PCDHB16: variants seen among roughly 807,000 people sequenced by gnomAD.
PCDHB16 encodes the protein protocadherin beta 16.
For missense variants in PCDHB16, 1,026 were observed against 989.9 expected, an observed-to-expected ratio of 1.04 and a Z score of -0.49; for synonymous variants, 444 against 436.5, an observed-to-expected ratio of 1.02 and a Z score of -0.21.
Position 141,184,858 on chromosome 5 carries a change from C to A in PCDHB16, c.2299C>A (p.Leu767Met), listed in dbSNP as rs1554282486. The A allele has an allele frequency of 3.7e-6, 6 of 1,614,216 alleles. No individual in the cohort carries two copies. Among genetic ancestry groups the A allele is most frequent in the Non-Finnish European group, 4.2e-6 (5 of 1,180,046 alleles). Residue 767 changes from leucine to methionine, a missense_variant, in exon 1 of 1, where the codon CTG becomes ATG. Transcript: ENST00000609684. The stretch of plus-strand genomic sequence containing the variant: ...CTCAGAAACAAGTGAGTTCAAGTTC[C>A]TGAAGCCGATTATCCCCAACTTCTC... The part of the protein sequence containing the change: ...GGSETSEFKF[L>M]KPIIPNFSP
In PCDHB16 at chr5:141,183,149, A is replaced by C. The variant is rs1753608989; in HGVS notation, c.590A>C (p.Asp197Ala). 2 of 1,614,090 alleles carry C rather than the reference A, an allele frequency of 1.2e-6. No individual in the cohort carries two copies. The highest frequency in any genetic ancestry group is 2.7e-5 in the African/African-American group (2 of 74,944). Residue 197 changes from aspartate to alanine, a missense_variant, in exon 1 of 1, where the codon GAT (aspartate) becomes GCT (alanine). Physicochemically the swap from Asp to Ala is moderately radical, Grantham distance 126 (BLOSUM62 -2). Coordinates refer to ENST00000609684, the MANE Select transcript of PCDHB16 (RefSeq NM_020957.4). The stretch of plus-strand genomic sequence containing the variant: ...AGGAAATACCCTGAGCTAGTGTTGG[A>C]TAAAGAGCTGGATCGGGAGGAGGAG... The part of the protein sequence containing the change: ...DGRKYPELVL[D>A]KELDREEEPQ...
In PCDHB16 at chr5:141,183,137, A is replaced by G; in HGVS notation, c.578A>G (p.Glu193Gly). ...TTCAGAGATGGCAGGAAATACCCTGAGCTAGTGTTGGATAAAGAGCTGGAT... is the reference window on the plus strand; with the variant it reads ...TTCAGAGATGGCAGGAAATACCCTGGGCTAGTGTTGGATAAAGAGCTGGAT... ...HEFRDGRKYPELVLDKELDRE... is the reference protein window; with the variant it reads ...HEFRDGRKYPGLVLDKELDRE... Residue 193 changes from glutamate (E) to glycine (G), a missense_variant, in exon 1 of 1, where the codon GAG becomes GGG. Physicochemically the swap from Glu to Gly is moderately conservative, Grantham distance 98. Coordinates refer to ENST00000609684, the MANE Select transcript of PCDHB16 (RefSeq NM_020957.4). 1.2e-6 allele frequency: 2 copies of G among 1,614,154 alleles called. No homozygotes were observed. The highest frequency in any genetic ancestry group is 1.7e-6 in the Non-Finnish European group (2 of 1,179,972).
rs1214399087 is a variant in PCDHB16, at chr5:141,186,143, G to A, written c.*1253G>A. 9.0e-6 allele frequency: 9 copies of A among 996,000 alleles called. No homozygotes were observed. Among genetic ancestry groups the A allele is most frequent in the Non-Finnish European group, 1.1e-5 (9 of 826,460 alleles). 61.7% of individuals were successfully genotyped at this position (996,000 alleles called of 1,614,324 possible). The stretch of plus-strand genomic sequence containing the variant: ...TGTAAAATATCCCTATGTTTAATCT[G>A]TATTTCTTGCTTATTATATGTAAAG... On this transcript the variant is annotated 3_prime_UTR_variant, in exon 1 of 1. Transcript: ENST00000609684.
rs1753618270 is a variant in PCDHB16 at position 141,183,421 on chromosome 5, A to G, written c.862A>G (p.Ile288Val). 1 of 1,614,172 alleles carries G rather than the reference A, an allele frequency of 6.2e-7. No homozygotes were observed. The highest frequency in any genetic ancestry group is 1.1e-5 in the South Asian group (1 of 91,086). Reference protein sequence around the residue: ...SYTLFQPSEDISKTLEVNPMT... With the variant: ...SYTLFQPSEDVSKTLEVNPMT... ...CACACTCTTTCAGCCTTCGGAGGATATTAGTAAAACTTTGGAGGTAAATCC... is the reference window on the plus strand; with the variant it reads ...CACACTCTTTCAGCCTTCGGAGGATGTTAGTAAAACTTTGGAGGTAAATCC... Residue 288 changes from isoleucine (I) to valine (V), a missense_variant, in exon 1 of 1, where the codon ATT becomes GTT. Ile to Val is a conservative substitution (Grantham distance 29). Transcript: ENST00000609684.
At position 141,183,926 on chromosome 5, in the gene PCDHB16, A is replaced by G. The variant is rs782642494; in HGVS notation, c.1367A>G (p.Tyr456Cys). 1.9e-6 allele frequency: 3 copies of G among 1,613,902 alleles called. No homozygotes were observed. Among genetic ancestry groups the G allele is most frequent in the East Asian group, 2.2e-5 (1 of 44,850 alleles). Residue 456 changes from tyrosine (Y) to cysteine (C), a missense_variant, in exon 1 of 1, where the codon TAC (tyrosine) becomes TGC (cysteine). By Grantham distance (194) the Tyr-to-Cys change is radical. Transcript: ENST00000609684. Reference sequence around the variant, plus strand: ...GCCCCCACTTTCACCCAAACCTCCTACACCCTGTTCGTCCGCGAGAACAAC... The same window carrying G: ...GCCCCCACTTTCACCCAAACCTCCTGCACCCTGTTCGTCCGCGAGAACAAC... Reference protein sequence around the residue: ...DNAPTFTQTSYTLFVRENNSP... With the variant: ...DNAPTFTQTSCTLFVRENNSP...
rs781864717 is a variant in PCDHB16 at position 141,184,511 on chromosome 5, C to G, written c.1952C>G (p.Pro651Arg). Residue 651 changes from proline to arginine, a missense_variant, in exon 1 of 1, where the codon CCG becomes CGG. Pro to Arg is a moderately radical substitution (Grantham distance 103). Transcript: ENST00000609684. ...CTGGTCAAGGACAATGGCGAGCCTC[C>G]GCGCTCGGCCACCGCCACGCTGCAC... ...VVLVKDNGEP[P>R]RSATATLHVL... 2.5e-6 allele frequency: 4 copies of G among 1,609,122 alleles called. No individual in the cohort carries two copies. The highest frequency in any genetic ancestry group is 2.7e-5 in the African/African-American group (2 of 74,868).
In PCDHB16 at chr5:141,183,567, G is replaced by A. The variant is rs1390470617; in HGVS notation, c.1008G>A (p.Gln336=). 6.2e-7 allele frequency: 1 copy of A among 1,614,030 alleles called. No homozygotes were observed. The highest frequency in any genetic ancestry group is 8.5e-7 in the Non-Finnish European group (1 of 1,180,036). The change falls in exon 1 of 1, where the codon CAG becomes CAA. Residue 336 remains glutamine (Q), a synonymous_variant. Transcript: ENST00000609684. ...CAGGAAAGTGCACTCTTCTCCTGCA[G>A]GTGGTGGACGTGAATGACAATCCCC... ...GLSGKCTLLL[Q]VVDVNDNPPQ...
At position 141,184,907 on chromosome 5, in the gene PCDHB16, T is replaced by C. The variant is rs1460110650; in HGVS notation, c.*17T>C. 6.2e-6 allele frequency: 10 copies of C among 1,610,096 alleles called. No homozygotes were observed. Among genetic ancestry groups the C allele is most frequent in the African/African-American group, 2.7e-5 (2 of 74,614 alleles). On this transcript the variant is annotated 3_prime_UTR_variant, in exon 1 of 1. Coordinates refer to ENST00000609684, the MANE Select transcript of PCDHB16 (RefSeq NM_020957.4). ...TCTCCTTAGGGCACTAGGAAAGAAA[T>C]AGATTAAAATTCCACCCTTCACAAT...
rs1362144028 is a variant in PCDHB16, at chr5:141,182,825, A to C, written c.266A>C (p.Lys89Thr). 2 of 1,614,046 alleles carry C rather than the reference A, an allele frequency of 1.2e-6. No homozygotes were observed. Among genetic ancestry groups the C allele is most frequent in the Non-Finnish European group, 1.7e-6 (2 of 1,180,048 alleles). Residue 89 changes from lysine to threonine, a missense_variant, in exon 1 of 1, where the codon AAG (lysine) becomes ACG (threonine). Transcript: ENST00000609684. ...AQTGDLLINE[K>T]LDREELCGPT... ...ACTGGGGATTTGCTCATAAATGAGA[A>C]GCTAGATCGAGAGGAGCTATGCGGT...
rs1306232209 is a variant in PCDHB16 at position 141,184,483 on chromosome 5, G to A, written c.1924G>A (p.Val642Met). The change falls in exon 1 of 1, where the codon GTG becomes ATG. Residue 642 changes from valine (V) to methionine (M), a missense_variant. Val to Met is a conservative substitution (Grantham distance 21). Coordinates refer to ENST00000609684, the MANE Select transcript of PCDHB16 (RefSeq NM_020957.4). The stretch of plus-strand genomic sequence containing the variant: ...CGACGCAGCCAAGCAGAGGCTGGTG[G>A]TGCTGGTCAAGGACAATGGCGAGCC... ...ERDAAKQRLVVLVKDNGEPPR... is the reference protein window; with the variant it reads ...ERDAAKQRLVMLVKDNGEPPR... 14 of 1,608,942 alleles carry A rather than the reference G, an allele frequency of 8.7e-6. No individual in the cohort carries two copies. The highest frequency in any genetic ancestry group is 1.1e-5 in the Non-Finnish European group (13 of 1,179,636).
rs782302044 is a variant in PCDHB16, at chr5:141,183,201, G to C, written c.642G>C (p.Ala214=). The stretch of plus-strand genomic sequence containing the variant: ...CTCAACTAAGATTAACCCTGACAGC[G>C]CTGGATGGTGGCTCTCCACCGCGAT... The part of the protein sequence containing the change: ...EEPQLRLTLT[A]LDGGSPPRSG... Residue 214 remains alanine, a synonymous_variant, in exon 1 of 1, where the codon GCG becomes GCC. Coordinates refer to ENST00000609684, the MANE Select transcript of PCDHB16 (RefSeq NM_020957.4). The C allele has an allele frequency of 1.9e-6, 3 of 1,614,148 alleles. No homozygotes were observed. The highest frequency in any genetic ancestry group is 2.2e-5 in the East Asian group (1 of 44,880).
At position 141,183,650 on chromosome 5, in the gene PCDHB16, T is replaced by C. The variant is rs1554282188; in HGVS notation, c.1091T>C (p.Val364Ala). ...ATCCCAGAGAACTCGCCTGAGATAG[T>C]AGTTGCTGTTTTCAGCGTTTCAGAT... ...SPIPENSPEI[V>A]VAVFSVSDPD... Residue 364 changes from valine to alanine, a missense_variant, in exon 1 of 1, where the codon GTA (valine) becomes GCA (alanine). Val to Ala is a moderately conservative substitution (Grantham distance 64). Coordinates refer to ENST00000609684, the MANE Select transcript of PCDHB16 (RefSeq NM_020957.4). 1.2e-6 allele frequency: 2 copies of C among 1,614,138 alleles called. No individual in the cohort carries two copies. The highest frequency in any genetic ancestry group is 1.7e-5 in the Admixed American group (1 of 60,024).
At position 141,185,826 on chromosome 5, in the gene PCDHB16, T is replaced by G; in HGVS notation, c.*936T>G. ...TAAAATATTCCTATTGTAAGTGATA[T>G]GAGAAATCTTTAACCAGCCTTATCT... On this transcript the variant is annotated 3_prime_UTR_variant, in exon 1 of 1. Transcript: ENST00000609684. The G allele has an allele frequency of 1.0e-6, 1 of 984,842 alleles. No individual in the cohort carries two copies. The highest frequency in any genetic ancestry group is 1.2e-6 in the Non-Finnish European group (1 of 816,278). 61.0% of individuals were successfully genotyped at this position (984,842 alleles called of 1,614,324 possible).
rs782575736 is a variant in PCDHB16 at position 141,184,726 on chromosome 5, G to C, written c.2167G>C (p.Gly723Arg). The change falls in exon 1 of 1, where the codon GGC (glycine) becomes CGC (arginine). Residue 723 changes from glycine (G) to arginine (R), a missense_variant. Physicochemically the swap from Gly to Arg is moderately radical, Grantham distance 125. Transcript: ENST00000609684. ...LCRRSRAASV[G>R]RCSMPEGPFP... ...CAGGAGGAGCAGGGCGGCCTCGGTG[G>C]GCCGCTGCTCGATGCCTGAGGGCCC... is the stretch of plus-strand genomic sequence containing the variant. 1.2e-6 allele frequency: 2 copies of C among 1,614,050 alleles called. No individual in the cohort carries two copies. Among genetic ancestry groups the C allele is most frequent in the Middle Eastern group, 1.7e-4 (1 of 6,014 alleles).
Position 141,184,681 on chromosome 5 carries a change from T to C in PCDHB16, c.2122T>C (p.Phe708Leu). The C allele has an allele frequency of 6.2e-7, 1 of 1,612,262 alleles. No individual in the cohort carries two copies. Among genetic ancestry groups the C allele is most frequent in the East Asian group, 2.2e-5 (1 of 44,840 alleles). The change falls in exon 1 of 1, where the codon TTC becomes CTC. Residue 708 changes from phenylalanine (F) to leucine (L), a missense_variant. Physicochemically the swap from Phe to Leu is conservative, Grantham distance 22 (BLOSUM62 0). Coordinates refer to ENST00000609684, the MANE Select transcript of PCDHB16 (RefSeq NM_020957.4). The stretch of plus-strand genomic sequence containing the variant: ...GCTCTTCCTCTTTTCGGTGCTCCTG[T>C]TCGTGGCGGTGCGGCTGTGCAGGAG... Reference protein sequence around the residue: ...SSLFLFSVLLFVAVRLCRRSR... With the variant: ...SSLFLFSVLLLVAVRLCRRSR...
rs377175645 is a variant in PCDHB16, at chr5:141,184,432, C to A, written c.1873C>A (p.Arg625Ser). 7 of 1,607,348 alleles carry A rather than the reference C, an allele frequency of 4.4e-6. No individual in the cohort carries two copies. The highest frequency in any genetic ancestry group is 1.3e-5 in the African/African-American group (1 of 74,798). ...FGVWAHNGEV[R>S]TARLLSERDA... Reference sequence around the variant, plus strand: ...TGTGTGGGCGCACAATGGCGAGGTGCGCACCGCCAGGCTGCTGAGCGAGCG... The same window carrying A: ...TGTGTGGGCGCACAATGGCGAGGTGAGCACCGCCAGGCTGCTGAGCGAGCG... The change falls in exon 1 of 1, where the codon CGC (arginine) becomes AGC (serine). Residue 625 changes from arginine (R) to serine (S), a missense_variant. Physicochemically the swap from Arg to Ser is moderately radical, Grantham distance 110. Coordinates refer to ENST00000609684, the MANE Select transcript of PCDHB16 (RefSeq NM_020957.4).
In PCDHB16 at chr5:141,185,367, A is replaced by G. The variant is rs1753698877; in HGVS notation, c.*477A>G. ...TTTGTTGGGCTCAATTTTCATTATA[A>G]TACTTTTCTTAAAGTTTCTTTCTTT... is the stretch of plus-strand genomic sequence containing the variant. On this transcript the variant is annotated 3_prime_UTR_variant, in exon 1 of 1. Coordinates refer to ENST00000609684, the MANE Select transcript of PCDHB16 (RefSeq NM_020957.4). 1 of 807,468 alleles carries G rather than the reference A, an allele frequency of 1.2e-6. No individual in the cohort carries two copies. The highest frequency in any genetic ancestry group is 1.5e-6 in the Non-Finnish European group (1 of 657,770). The allele number at this position is 807,468 out of a possible 1,614,324, so 50.0% of individuals were successfully genotyped here. A position where few individuals can be genotyped will look rare whatever the true frequency, so the allele number is the denominator to read the frequency against.
rs782249678 is a variant in PCDHB16 at position 141,184,888 on chromosome 5, T to C, written c.2329T>C (p.Ter777GlnextTer8). The change falls in exon 1 of 1, where the codon TAG (stop) becomes CAG (glutamine). Residue 777 changes from the stop codon to glutamine, a stop_lost. Coordinates refer to ENST00000609684, the MANE Select transcript of PCDHB16 (RefSeq NM_020957.4). ...LKPIIPNFSP[*>Q] is the part of the protein sequence containing the mutation. ...GCCGATTATCCCCAACTTCTCTCCT[T>C]AGGGCACTAGGAAAGAAATAGATTA... 4.3e-6 allele frequency: 7 copies of C among 1,613,544 alleles called. No individual in the cohort carries two copies. In the South Asian group the frequency reaches 7.7e-5, roughly 18 times the overall value.
chr5:141,183,354 C>A lies in PCDHB16; in HGVS notation c.795C>A (p.Ser265=). The change falls in exon 1 of 1, where the codon TCC becomes TCA. Residue 265 remains serine (S), a synonymous_variant. Transcript: ENST00000609684. ...TTGGCTCCCTGGTTGCCACCGTCTC[C>A]GCCAGGGATTTAGACGGCGGAGCCA... ...SPLGSLVATV[S]ARDLDGGANG... 6.2e-7 allele frequency: 1 copy of A among 1,614,152 alleles called. No homozygotes were observed. The highest frequency in any genetic ancestry group is 8.5e-7 in the Non-Finnish European group (1 of 1,180,040).
Sources: gnomAD v4.1 joint callset for allele counts on GRCh38, gnomAD v4.1.1 for gene constraint, MANE v1.5 for transcripts, NCBI Gene and HGNC (gene_info 2026-07-23, HGNC 2026-07-21) for gene names.